DPH7: variants seen among roughly 807,000 people sequenced by gnomAD.
The protein encoded by DPH7 is diphthine methyltransferase.
DPH7 carries 44 observed loss-of-function variants against 41.7 expected under a neutral mutation model. The observed-to-expected ratio is 1.05, with a 90% CI of 0.83 to 1.36. The LOEUF (loss-of-function observed/expected upper bound fraction) is 1.36, where lower values mean the gene tolerates loss of function less well. DPH7 is among the 40% of genes most tolerant of loss of function. The pLI is 0.00. For synonymous variants in DPH7, 275 were observed against 238.0 expected, an observed-to-expected ratio of 1.16 and a Z score of -1.43; for missense variants, 629 against 577.5, an observed-to-expected ratio of 1.09 and a Z score of -0.91.
chr9:137,559,745 C>T (rs1292723096), intron 8 of DPH7, among the ~76,000 whole-genome samples: 5 of 152,258 alleles, frequency 3.3e-5, no homozygotes, highest in Admixed American at 2.6e-4. Context: ...ACGTGACCCA[C>T]GTGACCTTAC....
rs868635090 is a variant in DPH7 at position 137,574,366 on chromosome 9, G to A, written c.482C>T (p.Pro161Leu). The A allele has an allele frequency of 3.7e-6, 6 of 1,614,044 alleles. No individual in the cohort carries two copies. The highest frequency in any genetic ancestry group is 1.7e-4 in the Middle Eastern group (1 of 6,054). ...TGKTGRAGDQPLKIISSDSTG... is the reference protein window; with the variant it reads ...TGKTGRAGDQLLKIISSDSTG... ...GGAGTCACTGCTGATGATCTTCAAGGGCTGGTCCCCGGCCCTAGACACAGG... is the reference window on the plus strand; with the variant it reads ...GGAGTCACTGCTGATGATCTTCAAGAGCTGGTCCCCGGCCCTAGACACAGG... Residue 161 changes from proline to leucine, a missense_variant, in exon 5 of 9, where the codon CCC becomes CTC. By Grantham distance (98) the Pro-to-Leu change is moderately conservative. Transcript: ENST00000277540.
intron 8 of DPH7, among the ~76,000 whole-genome samples, chr9:137,562,583 A>G (rs1031826678): frequency 9.2e-5 from 14 of 152,236 alleles, no homozygotes; most frequent in African/African-American, 3.1e-4. Flanking sequence ...ATGTATCACC[A>G]TTAATAAAGA....
chr9:137,574,115 T>C (rs1840963413), intron 5 of DPH7, 93 bp downstream of exon 5: 2 of 1,329,086 alleles, frequency 1.5e-6, no homozygotes, highest in African/African-American at 1.5e-5. Flanking sequence ...CCAACATAAC[T>C]GGAATCACAG....
At position 137,556,633 on chromosome 9, in the gene DPH7, G is replaced by A; in HGVS notation, c.950-985C>T. ...TCCGAGGAGGAGTGAGATGCTGAATGTTCAGAGACAGCCACAGGGGCCCTC... is the reference window on the plus strand; with the variant it reads ...TCCGAGGAGGAGTGAGATGCTGAATATTCAGAGACAGCCACAGGGGCCCTC... On this transcript the variant is annotated intron_variant, in intron 8 of 8. Transcript: ENST00000277540. The surrounding 1 kb of genome is among the most constrained non-coding windows in gnomAD (Gnocchi z 5.2). 1 of 352,768 alleles carries A rather than the reference G, an allele frequency of 2.8e-6. No homozygotes were observed. Among genetic ancestry groups the A allele is most frequent in the South Asian group, 2.1e-5 (1 of 47,794 alleles). The allele number at this position is 352,768 out of a possible 1,614,324, so 21.9% of individuals were successfully genotyped here.
At chr9:137,565,012 G>A in intron 6 of DPH7, 54 bp from the exon 7 acceptor site, 1 of 1,607,618 alleles carries the variant, frequency 6.2e-7, no homozygotes, top group East Asian at 2.2e-5. Context: ...CCCACCCAGG[G>A]AACGGGAGGG....
intron 2 of DPH7, among the ~76,000 whole-genome samples, chr9:137,576,967 T>C (rs567965182): frequency 6.6e-6 from 1 of 151,418 alleles, no homozygotes; most frequent in East Asian, 1.9e-4. Context: ...AGACAGAGAA[T>C]TGCTTGAGCC....
intron 5 of DPH7, among the ~76,000 whole-genome samples, chr9:137,572,127 G>A (rs1042393023): frequency 1.3e-5 from 2 of 152,190 alleles, no homozygotes; most frequent in African/African-American, 2.4e-5. Context: ...GAGCCACGGC[G>A]GAGGTGAGGC....
chr9:137,573,665 AGAGT>A (rs1250550407), intron 5 of DPH7, among the ~76,000 whole-genome samples: 1 of 138,370 alleles, frequency 7.2e-6, no homozygotes, highest in Non-Finnish European at 1.5e-5. Flanking sequence ...CCTGGGCAAC[AGAGT>A]GAGACTCTGT....
chr9:137,564,362 A>G lies in DPH7; in HGVS notation c.949+72T>C, dbSNP rs574768246. Reference sequence around the variant, plus strand: ...CAAGGGAGCAGGGAGCTGAGGGAAGAGCCCAGCAGAGCGAGGGGGCAGGGA... The same window carrying G: ...CAAGGGAGCAGGGAGCTGAGGGAAGGGCCCAGCAGAGCGAGGGGGCAGGGA... On this transcript the variant is annotated intron_variant, in intron 8 of 8. Coordinates refer to ENST00000277540, the MANE Select transcript of DPH7 (RefSeq NM_138778.5). 2.6e-6 allele frequency: 4 copies of G among 1,525,070 alleles called. No individual in the cohort carries two copies. The East Asian group carries it at 6.9e-5, about 26-fold the overall frequency. 94.5% of individuals were successfully genotyped at this position (1,525,070 alleles called of 1,614,324 possible). A position where few individuals can be genotyped will look rare whatever the true frequency, so the allele number is the denominator to read the frequency against.
At chr9:137,578,542 T>A in intron 1 of DPH7, 83 bp downstream of exon 1, 1 of 1,354,862 alleles carries the variant, frequency 7.4e-7, no homozygotes, top group Non-Finnish European at 9.6e-7. Flanking sequence ...CCCCTCTTCA[T>A]CTCCTGGGCG....
rs1221006996 is a variant in DPH7 at position 137,578,616 on chromosome 9, C to G, written c.153+9G>C. On this transcript the variant is annotated intron_variant, in intron 1 of 8. Transcript: ENST00000277540. ...CCGCCCTCCCCTCCCGAAGCCGCGG[C>G]GCGCGCACCTTGTTCTGGGGGCCGG... 8.8e-6 allele frequency: 13 copies of G among 1,476,002 alleles called. No individual in the cohort carries two copies. Among genetic ancestry groups the G allele is most frequent in the Non-Finnish European group, 1.2e-5 (13 of 1,120,248 alleles). The allele number at this position is 1,476,002 out of a possible 1,614,324, so 91.4% of individuals were successfully genotyped here. A position where few individuals can be genotyped will look rare whatever the true frequency, so the allele number is the denominator to read the frequency against.
chr9:137,556,408 G>A lies in DPH7; in HGVS notation c.950-760C>T, dbSNP rs1278876260. Among the ~76,000 whole-genome samples the A allele has an allele frequency of 6.6e-6, 1 of 152,232 alleles. No individual in the cohort carries two copies. The highest frequency in any genetic ancestry group is 1.5e-5 in the Non-Finnish European group (1 of 68,042). On this transcript the variant is annotated intron_variant, in intron 8 of 8. Coordinates refer to ENST00000277540, the MANE Select transcript of DPH7 (RefSeq NM_138778.5). This position sits in a 1 kb window ranked among gnomAD's most constrained non-coding sequence, Gnocchi z 5.2. ...AAGGCTGGGTGGCCACTTGGGCTCT[G>A]AAAGGGCTGCCATCGCTACCTCTGA...
Position 137,554,967 on chromosome 9 carries a change from A to C in DPH7, c.*272T>G, listed in dbSNP as rs1837211482. 2 of 391,784 alleles carry C rather than the reference A, an allele frequency of 5.1e-6. No individual in the cohort carries two copies. Among genetic ancestry groups the C allele is most frequent in the Non-Finnish European group, 9.0e-6 (2 of 222,418 alleles). The allele number at this position is 391,784 out of a possible 1,614,324, so 24.3% of individuals were successfully genotyped here. A position where few individuals can be genotyped will look rare whatever the true frequency, so the allele number is the denominator to read the frequency against. Reference sequence around the variant, plus strand: ...AACAAGTATGAAAGGCTGAAAGTCAAAATCTGCCTGAGAAACTTAACAAAT... The same window carrying C: ...AACAAGTATGAAAGGCTGAAAGTCACAATCTGCCTGAGAAACTTAACAAAT... On this transcript the variant is annotated 3_prime_UTR_variant, in exon 9 of 9. Transcript: ENST00000277540.
chr9:137,573,360 CAA>C (rs34523698), intron 5 of DPH7, among the ~76,000 whole-genome samples: 67 of 40,282 alleles, frequency 1.7e-3, no homozygotes, highest in African/African-American at 6.8e-3. Context: ...GACTCCATCT[CAA>C]AAAAAAAAAA....
rs141614671 is a variant in DPH7, at chr9:137,564,609, G to A, written c.777-3C>T. 573 of 1,608,248 alleles carry A rather than the reference G, an allele frequency of 3.6e-4. 3 individuals carry two copies. The East Asian group carries it at 0.011, about 31-fold the overall frequency. On this transcript the variant is annotated splice_region_variant and splice_polypyrimidine_tract_variant and intron_variant, in intron 7 of 8. Coordinates refer to ENST00000277540, the MANE Select transcript of DPH7 (RefSeq NM_138778.5). ...ACAGTAGGATGTGTTCATCATAGCTGAAACCGACCAACCACAGGAGGCATA... is the reference window on the plus strand; with the variant it reads ...ACAGTAGGATGTGTTCATCATAGCTAAAACCGACCAACCACAGGAGGCATA...
chr9:137,565,207 C>T lies in DPH7; in HGVS notation c.641-53G>A, dbSNP rs915068548. ...CCACTAATGACAGGAAATGAGTGTT[C>T]TCAGTTAGGCCGTTGATGTCTGTGA... is the stretch of plus-strand genomic sequence containing the variant. On this transcript the variant is annotated intron_variant, in intron 5 of 8. Transcript: ENST00000277540. 8 of 1,588,714 alleles carry T rather than the reference C, an allele frequency of 5.0e-6. No individual in the cohort carries two copies. In the African/African-American group the frequency reaches 1.1e-4, roughly 21 times the overall value.
chr9:137,561,164 T>C (rs1270374171), intron 8 of DPH7, among the ~76,000 whole-genome samples: 2 of 152,182 alleles, frequency 1.3e-5, no homozygotes, highest in Non-Finnish European at 2.9e-5. Context: ...CACCACAGAT[T>C]ACTGATTAAT....
At chr9:137,576,227 C>T (rs969021280) in intron 2 of DPH7, 60 bp from the exon 3 acceptor site, 10 of 1,481,732 alleles carry the variant, frequency 6.7e-6, no homozygotes, top group African/African-American at 5.5e-5. Flanking sequence ...GTGCACTGTG[C>T]GTCCCGGTAA....
At position 137,554,719 on chromosome 9, in the gene DPH7, G is replaced by A. The variant is rs117284495; in HGVS notation, c.*520C>T. Among the ~76,000 whole-genome samples the A allele has an allele frequency of 6.6e-6, 1 of 152,274 alleles. No individual in the cohort carries two copies. Among genetic ancestry groups the A allele is most frequent in the East Asian group, 1.9e-4 (1 of 5,190 alleles). ...CCCCTTCCAAAGTGCTGGGATTACA[G>A]GCCACTGTGACTGTGCTCAGTAGTT... On this transcript the variant is annotated 3_prime_UTR_variant, in exon 9 of 9. Transcript: ENST00000277540.
Sources: allele counts gnomAD v4.1 joint callset (sites outside exome capture counted in the v4.1 genomes callset), GRCh38; gene constraint gnomAD v4.1.1; non-coding constraint Gnocchi (gnomAD v3.1); transcripts MANE v1.5; gene names NCBI Gene and HGNC (gene_info 2026-07-23, HGNC 2026-07-21).